Variants in DEF8 observed in about 807,000 individuals in gnomAD.
DEF8 encodes differentially expressed in FDCP 8 homolog, also known as DEF-8.
Under a neutral mutation model 59.1 loss-of-function variants are expected in DEF8, and 38 were observed. The ratio of observed to expected loss-of-function variants is 0.64; its 90% CI spans 0.50 to 0.84. The LOEUF (loss-of-function observed/expected upper bound fraction) is 0.84. DEF8 is among the 40% of genes least tolerant of loss of function. The probability of loss-of-function intolerance (pLI) is 0.00; values close to 1 mark genes in which losing one functional copy is unlikely to be tolerated. For synonymous variants in DEF8, 265 were observed against 250.1 expected (o/e 1.06, Z -0.56); for missense variants, 557 against 615.2 (o/e 0.91, Z 1.00).
intron 6 of DEF8, among the ~76,000 whole-genome samples, chr16:89,960,644 C>T (rs765507349): frequency 6.6e-6 from 1 of 151,534 alleles, no homozygotes; most frequent in Non-Finnish European, 1.5e-5. Context: ...GTGGGAGTTT[C>T]GTTTGTTACA....
chr16:89,962,126 G>A lies in DEF8; in HGVS notation c.921+1G>A, dbSNP rs1053825653. The A allele has an allele frequency of 4.3e-6, 7 of 1,612,772 alleles. No homozygotes were observed. Among genetic ancestry groups the A allele is most frequent in the East Asian group, 4.5e-5 (2 of 44,806 alleles). On this transcript the variant is annotated splice_donor_variant, in intron 9 of 12. Transcript: ENST00000563594. LOFTEE classifies it high-confidence loss of function. ...CGTGGAGGAGCTGGTGGAGATTCGC[G>A]TGAGGCTGGGGCCATGGAAGTGGGG...
At position 89,954,737 on chromosome 16, in the gene DEF8, C is replaced by T. The variant is rs1303397356; in HGVS notation, c.124+361C>T. On this transcript the variant is annotated intron_variant, in intron 3 of 12. Transcript: ENST00000563594. The surrounding 1 kb of genome is among the most constrained non-coding windows in gnomAD (Gnocchi z 4.3). Reference sequence around the variant, plus strand: ...GTCAGGGTGGCATGAGCTTTAGAAACTGCAGATGAGGTCATCAGGGAGTGC... The same window carrying T: ...GTCAGGGTGGCATGAGCTTTAGAAATTGCAGATGAGGTCATCAGGGAGTGC... Among the ~76,000 whole-genome samples, 1 of 152,202 alleles carries T rather than the reference C, an allele frequency of 6.6e-6. No homozygotes were observed. The highest frequency in any genetic ancestry group is 1.5e-5 in the Non-Finnish European group (1 of 68,038).
Position 89,959,102 on chromosome 16 carries a change from A to G in DEF8, c.461A>G (p.Asp154Gly), listed in dbSNP as rs760365696. 6.2e-7 allele frequency: 1 copy of G among 1,613,904 alleles called. No individual in the cohort carries two copies. The highest frequency in any genetic ancestry group is 8.5e-7 in the Non-Finnish European group (1 of 1,180,018). Reference protein sequence around the residue: ...EKSKSVKQTCDKCNTIIWGLI... With the variant: ...EKSKSVKQTCGKCNTIIWGLI... ...AGCAAGAGCGTCAAGCAGACCTGTG[A>G]CAAGTGTAACACCATCATCTGGGGG... The change falls in exon 6 of 13, where the codon GAC (aspartate) becomes GGC (glycine). Residue 154 changes from aspartate (D) to glycine (G), a missense_variant. Physicochemically the swap from Asp to Gly is moderately conservative, Grantham distance 94. Coordinates refer to ENST00000563594, the MANE Select transcript of DEF8 (RefSeq NM_001242818.2).
intron 4 of DEF8, among the ~76,000 whole-genome samples, chr16:89,956,298 T>TA (rs1304573212): frequency 1.3e-5 from 2 of 150,000 alleles, no homozygotes; most frequent in Non-Finnish European, 3.0e-5. Flanking sequence ...CTACTAAAAA[T>TA]ACAAAAAAAA....
intron 9 of DEF8, 50 bp from the exon 10 acceptor site, chr16:89,963,313 C>T (rs201332289): frequency 5.9e-4 from 912 of 1,552,398 alleles, no homozygotes; most frequent in South Asian, 1.1e-3. Context: ...ACACAGGGGC[C>T]GCCCTGTGTC....
At chr16:89,950,673 A>G (rs2031873997) in intron 2 of DEF8, among the ~76,000 whole-genome samples, 1 of 152,170 alleles carries the variant, frequency 6.6e-6, no homozygotes, top group South Asian at 2.1e-4. Flanking sequence ...CACACCGGCC[A>G]TGATTCTTAA....
chr16:89,954,270 G>A lies in DEF8; in HGVS notation c.18G>A (p.Lys6=). MEYDE[K]LARFRQAHLN... is the part of the protein sequence containing the mutation. ...GGGATGCTATGGAATATGATGAGAA[G>A]CTGGCCCGTTTCCGGCAGGCCCACC... Residue 6 remains lysine (K), a synonymous_variant, in exon 3 of 13, where the codon AAG becomes AAA. Coordinates refer to ENST00000563594, the MANE Select transcript of DEF8 (RefSeq NM_001242818.2). This position sits in a 1 kb window ranked among gnomAD's most constrained non-coding sequence, Gnocchi z 4.3. The A allele has an allele frequency of 6.2e-7, 1 of 1,613,074 alleles. No homozygotes were observed. The highest frequency in any genetic ancestry group is 8.5e-7 in the Non-Finnish European group (1 of 1,179,958).
intron 9 of DEF8, 93 bp downstream of exon 9, chr16:89,962,218 G>A: frequency 5.9e-6 from 7 of 1,186,742 alleles, no homozygotes; most frequent in Non-Finnish European, 8.5e-6. Flanking sequence ...TGGGCCACGG[G>A]AGGTTCTGAG....
intron 9 of DEF8, among the ~76,000 whole-genome samples, 193 bp from the exon 10 acceptor site, chr16:89,963,170 C>G (rs567935042): frequency 5.9e-5 from 9 of 152,178 alleles, no homozygotes; most frequent in Non-Finnish European, 1.3e-4. Context: ...TTTTCTGGAC[C>G]ACGGTAAGTG....
chr16:89,952,097 T>C (rs2151133617), intron 2 of DEF8, among the ~76,000 whole-genome samples: 1 of 152,272 alleles, frequency 6.6e-6, no homozygotes, highest in East Asian at 1.9e-4. Context: ...CAGGATGGTT[T>C]CGATCTCCTG....
intron 5 of DEF8, chr16:89,958,590 T>TAGATC: frequency 8.9e-5 from 17 of 191,522 alleles, no homozygotes; most frequent in South Asian, 4.4e-4. Flanking sequence ...AGAAGATGTG[T>TAGATC]TCGTTTCCTC....
rs1471873965 is a variant in DEF8, at chr16:89,954,161, AC to A, written c.-10-78del. ...GAAAGAGGCCAGCCTCACCCCAGAC[AC>A]CCCAGTGTGGTTGGGGAAAGGGGGT... On this transcript the variant is annotated intron_variant, in intron 2 of 12. Transcript: ENST00000563594. The surrounding 1 kb of genome is among the most constrained non-coding windows in gnomAD (Gnocchi z 4.3). 6.7e-7 allele frequency: 1 copy of A among 1,487,434 alleles called. No individual in the cohort carries two copies. The highest frequency in any genetic ancestry group is 2.3e-5 in the East Asian group (1 of 44,006). 92.1% of individuals were successfully genotyped at this position (1,487,434 alleles called of 1,614,324 possible). A position where few individuals can be genotyped will look rare whatever the true frequency, so the allele number is the denominator to read the frequency against.
Position 89,955,160 on chromosome 16 carries a change from T to C in DEF8, c.125-9T>C. On this transcript the variant is annotated splice_polypyrimidine_tract_variant and intron_variant, in intron 3 of 12. Coordinates refer to ENST00000563594, the MANE Select transcript of DEF8 (RefSeq NM_001242818.2). ...CTGACGCTCCACACCTGTCCCCGTC[T>C]TCCTCCAGAGGCCCTGCCTGAGCTG... is the stretch of plus-strand genomic sequence containing the variant. 2 of 1,610,324 alleles carry C rather than the reference T, an allele frequency of 1.2e-6. No homozygotes were observed. The highest frequency in any genetic ancestry group is 1.7e-6 in the Non-Finnish European group (2 of 1,177,674).
chr16:89,959,555 T>C (rs2033742570), intron 6 of DEF8, among the ~76,000 whole-genome samples: 1 of 152,222 alleles, frequency 6.6e-6, no homozygotes, highest in Non-Finnish European at 1.5e-5. Flanking sequence ...AGTGCAGTGG[T>C]GCAATCTCAG....
chr16:89,964,357 G>C (rs572521297), intron 11 of DEF8, 47 bp downstream of exon 11: 8 of 1,550,978 alleles, frequency 5.2e-6, no homozygotes, highest in Non-Finnish European at 5.2e-6. Context: ...CAGCCCTGAG[G>C]GGGGATTGGC....
At chr16:89,957,438 C>G (rs1278199954) in intron 4 of DEF8, 73 bp from the exon 5 acceptor site, 1 of 1,483,564 alleles carries the variant, frequency 6.7e-7, no homozygotes, top group South Asian at 1.3e-5. Context: ...CTGGGCCTGT[C>G]TCGGCGGATG....
At chr16:89,958,989 C>A (rs753492301) in intron 5 of DEF8, 25 bp from the exon 6 acceptor site, 2 of 1,606,154 alleles carry the variant, frequency 1.2e-6, no homozygotes, top group Non-Finnish European at 1.7e-6. Context: ...CACCTGTGAC[C>A]CCCTCCCTGA....
rs2034043429 is a variant in DEF8, at chr16:89,961,679, G to T, written c.680-58G>T. On this transcript the variant is annotated intron_variant, in intron 7 of 12. Transcript: ENST00000563594. ...CATGGGAGGACAGACCATGAGGCTG[G>T]AAAGCTGTGTGGGGTTTTTGTGAGG... 1.9e-6 allele frequency: 3 copies of T among 1,602,948 alleles called. No individual in the cohort carries two copies. In the African/African-American group the frequency reaches 4.0e-5, roughly 21 times the overall value.
At chr16:89,953,825 T>C (rs9929107) in intron 2 of DEF8, among the ~76,000 whole-genome samples, 2,632 of 152,252 alleles carry the variant, frequency 0.017, 37 homozygotes, top group African/African-American at 0.033. Context: ...GAGAGGTGTG[T>C]CTCACATAGC....
Sources: allele counts gnomAD v4.1 joint callset (sites outside exome capture counted in the v4.1 genomes callset), GRCh38; gene constraint gnomAD v4.1.1; non-coding constraint Gnocchi (gnomAD v3.1); transcripts MANE v1.5; gene names NCBI Gene and HGNC (gene_info 2026-07-23, HGNC 2026-07-21).